The following TMEM116 variants were observed in gnomAD, a reference collection of about 807,000 sequenced individuals.
TMEM116 encodes transmembrane protein 116.
TMEM116 carries 38 observed loss-of-function variants against 44.3 expected under a neutral mutation model. That is an observed-to-expected ratio of 0.86 (90% CI 0.66 to 1.12). The LOEUF (loss-of-function observed/expected upper bound fraction) is 1.12, where lower values mean the gene tolerates loss of function less well. Among genes scored for constraint, TMEM116 ranks in the 50% most tolerant of loss-of-function variants. TMEM116 has a pLI of 0.00. For synonymous variants in TMEM116, 132 were observed against 144.8 expected (o/e 0.91, Z 0.64); for missense variants, 354 against 401.7 (o/e 0.88, Z 1.01).
At chr12:111,981,130 A>G (rs2075918253) in intron 4 of TMEM116, among the ~76,000 whole-genome samples, 1 of 152,188 alleles carries the variant, frequency 6.6e-6, no homozygotes, top group South Asian at 2.1e-4. Context: ...ACCTCAATTA[A>G]GCTGTTTAAA....
At chr12:111,933,804 C>T in intron 9 of TMEM116, 82 bp downstream of exon 9, 1 of 1,552,058 alleles carries the variant, frequency 6.4e-7, no homozygotes, top group Non-Finnish European at 8.8e-7. Context: ...CCTCAGCCAT[C>T]CTTCTTAGTG....
At chr12:111,934,603 C>A (rs1714596177) in intron 8 of TMEM116, 2 of 152,008 alleles carry the variant, frequency 1.3e-5, no homozygotes, top group Admixed American at 6.6e-5. Flanking sequence ...ACTAAAAATA[C>A]AAAAATTAGC....
intron 4 of TMEM116, among the ~76,000 whole-genome samples, chr12:111,959,162 C>T (rs573121071): frequency 1.1e-4 from 17 of 152,292 alleles, no homozygotes; most frequent in Admixed American, 1.0e-3. Flanking sequence ...TGCAGAAACC[C>T]TACAAGCTAG....
intron 4 of TMEM116, among the ~76,000 whole-genome samples, chr12:111,985,731 G>T (rs1285414886): frequency 6.6e-6 from 1 of 152,086 alleles, no homozygotes; most frequent in Admixed American, 6.5e-5. Context: ...AGAGTAGCTG[G>T]AATTATAGGC....
intron 5 of TMEM116, among the ~76,000 whole-genome samples, chr12:111,939,733 C>T (rs11066095): frequency 0.2 from 29,729 of 150,726 alleles, 3,133 homozygotes; most frequent in Middle Eastern, 0.28. Flanking sequence ...GAGGCTGAGA[C>T]GGGAGGATCA....
Position 111,980,369 on chromosome 12 carries a change from A to T in TMEM116, c.210+11389T>A, listed in dbSNP as rs572156300. On this transcript the variant is annotated intron_variant, in intron 4 of 10. Coordinates refer to ENST00000552374, the MANE Select transcript of TMEM116 (RefSeq NM_001193531.2). ...TTATATGACATTCTAAAAAGGCAAA[A>T]CTATAGAAACCATAAAAATATCAAT... 2.0e-5 allele frequency among the ~76,000 whole-genome samples: 3 copies of T among 152,306 alleles called. No homozygotes were observed. The South Asian group carries it at 6.2e-4, about 32-fold the overall frequency.
intron 4 of TMEM116, among the ~76,000 whole-genome samples, chr12:111,991,482 C>G (rs2076588145): frequency 6.7e-6 from 1 of 150,312 alleles, no homozygotes; most frequent in Non-Finnish European, 1.5e-5. Flanking sequence ...CGAGATCGCA[C>G]CACTGTACTC....
chr12:111,939,061 C>T (rs2072434943), intron 5 of TMEM116, among the ~76,000 whole-genome samples: 1 of 152,092 alleles, frequency 6.6e-6, no homozygotes, highest in South Asian at 2.1e-4. Flanking sequence ...TGACCCCTCC[C>T]ACTCACTTCC....
intron 4 of TMEM116, among the ~76,000 whole-genome samples, chr12:111,972,762 C>T (rs2075426637): frequency 6.6e-6 from 1 of 151,976 alleles, no homozygotes; most frequent in Non-Finnish European, 1.5e-5. Context: ...GCCTATAATC[C>T]CAGCTACTCG....
intron 4 of TMEM116, among the ~76,000 whole-genome samples, chr12:111,959,404 G>A (rs562543993): frequency 6.6e-6 from 1 of 152,182 alleles, no homozygotes; most frequent in Non-Finnish European, 1.5e-5. Flanking sequence ...ATACCAAATT[G>A]TAGACCATCG....
In TMEM116 at chr12:111,973,853, G is replaced by A. The variant is rs554972947; in HGVS notation, c.210+17905C>T. On this transcript the variant is annotated intron_variant, in intron 4 of 10. Coordinates refer to ENST00000552374, the MANE Select transcript of TMEM116 (RefSeq NM_001193531.2). ...GCAGGAGAATCACTTGAACCCAGGAGGTGGAGGTTGCAGATCGTGGCCTGC... is the reference window on the plus strand; with the variant it reads ...GCAGGAGAATCACTTGAACCCAGGAAGTGGAGGTTGCAGATCGTGGCCTGC... Among the ~76,000 whole-genome samples the A allele has an allele frequency of 2.6e-5, 4 of 152,116 alleles. No homozygotes were observed. The South Asian group carries it at 6.2e-4, about 24-fold the overall frequency.
At chr12:111,943,734 A>C (rs1022214031) in intron 4 of TMEM116, among the ~76,000 whole-genome samples, 3 of 151,990 alleles carry the variant, frequency 2.0e-5, no homozygotes, top group Non-Finnish European at 4.4e-5. Context: ...ATCGGGTTTC[A>C]CCATGTTGGC....
chr12:111,972,851 G>C (rs1386466505), intron 4 of TMEM116, among the ~76,000 whole-genome samples: 1 of 152,074 alleles, frequency 6.6e-6, no homozygotes, highest in Non-Finnish European at 1.5e-5. Context: ...ACTGTAGCCT[G>C]GGTGACAAGA....
At chr12:111,964,219 T>C (rs2074822265) in intron 4 of TMEM116, among the ~76,000 whole-genome samples, 1 of 150,808 alleles carries the variant, frequency 6.6e-6, no homozygotes, top group Non-Finnish European at 1.5e-5. Flanking sequence ...GGTGGGCGGA[T>C]CACAAGGTCA....
In TMEM116 at chr12:112,003,782, C is replaced by T. The variant is rs1565972267; in HGVS notation, c.78+18G>A. The T allele has an allele frequency of 1.3e-6, 2 of 1,509,328 alleles. No homozygotes were observed. The highest frequency in any genetic ancestry group is 2.3e-5 in the Admixed American group (1 of 42,980). The allele number at this position is 1,509,328 out of a possible 1,614,324, so 93.5% of individuals were successfully genotyped here. A position where few individuals can be genotyped will look rare whatever the true frequency, so the allele number is the denominator to read the frequency against. ...GTCAATAAAAAGTTCAAATCCAACACAAAGAGAAATCACTCACCTCTGGAG... is the reference window on the plus strand; with the variant it reads ...GTCAATAAAAAGTTCAAATCCAACATAAAGAGAAATCACTCACCTCTGGAG... On this transcript the variant is annotated intron_variant, in intron 3 of 10. Transcript: ENST00000552374.
chr12:111,991,678 C>G, intron 4 of TMEM116, 80 bp downstream of exon 4: 1 of 1,404,972 alleles, frequency 7.1e-7, no homozygotes, highest in Non-Finnish European at 9.5e-7. Flanking sequence ...CTCCACTTCC[C>G]AAGGTGAATC....
chr12:111,960,206 T>A (rs1223326235), intron 4 of TMEM116, among the ~76,000 whole-genome samples: 1 of 151,760 alleles, frequency 6.6e-6, no homozygotes, highest in African/African-American at 2.4e-5. Context: ...TCACTCAGAA[T>A]CGGCCGGGCA....
intron 4 of TMEM116, among the ~76,000 whole-genome samples, chr12:111,953,588 C>T (rs2073890029): frequency 6.6e-6 from 1 of 152,156 alleles, no homozygotes; most frequent in South Asian, 2.1e-4. Flanking sequence ...CTTACACACA[C>T]AAAAAGTACT....
chr12:111,997,645 G>T (rs936311344), intron 3 of TMEM116, among the ~76,000 whole-genome samples: 6 of 151,964 alleles, frequency 3.9e-5, no homozygotes, highest in Non-Finnish European at 7.4e-5. Flanking sequence ...GTACAAAACA[G>T]AATTTTTCTC....
Sources: allele counts gnomAD v4.1 joint callset (sites outside exome capture counted in the v4.1 genomes callset), GRCh38; gene constraint gnomAD v4.1.1; transcripts MANE v1.5; gene names NCBI Gene and HGNC (gene_info 2026-07-23, HGNC 2026-07-21).